COL27A1: variants seen among roughly 807,000 people sequenced by gnomAD.
COL27A1 encodes the protein collagen type XXVII alpha 1 chain.
Under a neutral mutation model 251.3 loss-of-function variants are expected in COL27A1, and 106 were observed. That is an observed-to-expected ratio of 0.42 (90% CI 0.36 to 0.50). The LOEUF (loss-of-function observed/expected upper bound fraction) is 0.50. Among genes scored for constraint, COL27A1 ranks in the 20% least tolerant of loss-of-function variants. The pLI, the probability that COL27A1 is intolerant of heterozygous loss-of-function variation, is 0.00. For synonymous variants in COL27A1, 1,000 were observed against 986.3 expected (o/e 1.01, Z -0.26); for missense variants, 2,325 against 2,522.8 (o/e 0.92, Z 1.68).
At chr9:114,227,657 G>C (rs1025315073) in intron 14 of COL27A1, among the ~76,000 whole-genome samples, 1 of 152,112 alleles carries the variant, frequency 6.6e-6, no homozygotes, top group African/African-American at 2.4e-5. Flanking sequence ...CTGGCACACA[G>C]TGGGCGTTCT....
At chr9:114,287,971 C>A (rs755013445) in intron 41 of COL27A1, among the ~76,000 whole-genome samples, 1 of 152,318 alleles carries the variant, frequency 6.6e-6, no homozygotes, top group South Asian at 2.1e-4. Flanking sequence ...AGTGCCCATG[C>A]GTGCCAGCTG....
intron 35 of COL27A1, among the ~76,000 whole-genome samples, chr9:114,269,730 C>T (rs933804726): frequency 1.3e-5 from 2 of 151,646 alleles, no homozygotes; most frequent in East Asian, 1.9e-4. Flanking sequence ...GCACTTTTCT[C>T]GAGGCACAAG....
At chr9:114,281,855 G>A (rs1434569250) in intron 37 of COL27A1, among the ~76,000 whole-genome samples, 1 of 152,166 alleles carries the variant, frequency 6.6e-6, no homozygotes, top group Non-Finnish European at 1.5e-5. Context: ...TCTCATTGGG[G>A]CCTAATGTTC....
intron 12 of COL27A1, among the ~76,000 whole-genome samples, chr9:114,214,963 T>C (rs1010166746): frequency 2.6e-4 from 39 of 152,254 alleles, no homozygotes; most frequent in African/African-American, 8.4e-4. Flanking sequence ...AGGAAGATGC[T>C]GCAGTGAGTC....
chr9:114,189,866 G>A (rs549065979), intron 5 of COL27A1, among the ~76,000 whole-genome samples: 1 of 152,114 alleles, frequency 6.6e-6, no homozygotes, highest in South Asian at 2.1e-4. Context: ...TCCCCTTACT[G>A]AATCACCTTA....
intron 3 of COL27A1, among the ~76,000 whole-genome samples, chr9:114,177,050 T>C (rs1338290690): frequency 6.6e-6 from 1 of 152,218 alleles, no homozygotes; most frequent in African/African-American, 2.4e-5. Context: ...CCTGGCTTCC[T>C]TCAAAGGCTG....
At chr9:114,275,054 C>G (rs1469871424) in intron 36 of COL27A1, among the ~76,000 whole-genome samples, 11 of 136,974 alleles carry the variant, frequency 8.0e-5, no homozygotes, top group Non-Finnish European at 1.7e-4. Flanking sequence ...TCTCCAACTG[C>G]TGGGCTCAAG....
rs537464184 is a variant in COL27A1, at chr9:114,249,463, T to C, written c.2980-1152T>C. On this transcript the variant is annotated intron_variant, in intron 24 of 60. Coordinates refer to ENST00000356083, the MANE Select transcript of COL27A1 (RefSeq NM_032888.4). Reference sequence around the variant, plus strand: ...GATCCGGGCCCTGTTCACAGCCACATGCTTTGGAGGCCTTGGGCTGGAGGG... The same window carrying C: ...GATCCGGGCCCTGTTCACAGCCACACGCTTTGGAGGCCTTGGGCTGGAGGG... Among the ~76,000 whole-genome samples the C allele has an allele frequency of 2.8e-4, 42 of 152,302 alleles. 1 individual carries two copies. Among genetic ancestry groups the C allele is most frequent in the Admixed American group, 1.4e-3 (22 of 15,302 alleles).
chr9:114,240,307 G>GAGCA, intron 20 of COL27A1, 34 bp downstream of exon 20: 1 of 1,584,868 alleles, frequency 6.3e-7, no homozygotes, highest in Non-Finnish European at 8.6e-7. Flanking sequence ...CCAGTTGGAG[G>GAGCA]AGCAGACAGC....
At chr9:114,182,755 G>A (rs73656010) in intron 4 of COL27A1, among the ~76,000 whole-genome samples, 2,766 of 152,266 alleles carry the variant, frequency 0.018, 89 homozygotes, top group African/African-American at 0.063. Flanking sequence ...TGGCATCCTC[G>A]TCTTCAAAAT....
intron 37 of COL27A1, among the ~76,000 whole-genome samples, chr9:114,281,898 G>A (rs977478747): frequency 2.2e-4 from 34 of 152,300 alleles, no homozygotes; most frequent in Admixed American, 9.2e-4. Context: ...AGCACTTGGC[G>A]CTGGAGAGAG....
Position 114,205,819 on chromosome 9 carries a change from T to C in COL27A1, c.2223+7T>C. On this transcript the variant is annotated splice_region_variant and intron_variant, in intron 9 of 60. Coordinates refer to ENST00000356083, the MANE Select transcript of COL27A1 (RefSeq NM_032888.4). ...AGGTTACCCTGGCAGGCAGGTGCAG[T>C]ATATGGCTTCTGGAAGCTCTGTGGC... is the stretch of plus-strand genomic sequence containing the variant. 3.1e-6 allele frequency: 5 copies of C among 1,610,176 alleles called. No homozygotes were observed. The highest frequency in any genetic ancestry group is 4.2e-6 in the Non-Finnish European group (5 of 1,178,550).
At chr9:114,265,160 G>C in intron 31 of COL27A1, 50 bp downstream of exon 31, 1 of 529,796 alleles carries the variant, frequency 1.9e-6, no homozygotes, top group Non-Finnish European at 3.6e-6. Flanking sequence ...TTTGATGGGG[G>C]TGGGGGGCGG....
chr9:114,196,613 G>A (rs543636693), intron 7 of COL27A1, among the ~76,000 whole-genome samples: 20 of 152,310 alleles, frequency 1.3e-4, no homozygotes, highest in Non-Finnish European at 2.4e-4. Flanking sequence ...TCTAATATGC[G>A]GCCCTCGCTG....
At chr9:114,295,523 C>A (rs1006225024) in intron 49 of COL27A1, among the ~76,000 whole-genome samples, 1 of 152,296 alleles carries the variant, frequency 6.6e-6, no homozygotes, top group East Asian at 1.9e-4. Context: ...ACTAATGGCA[C>A]TTGATTTCAA....
At chr9:114,231,984 C>T (rs1221806024) in intron 16 of COL27A1, 118 bp downstream of exon 16, 2 of 950,844 alleles carry the variant, frequency 2.1e-6, no homozygotes, top group African/African-American at 1.6e-5. Flanking sequence ...CCTGCCTCTC[C>T]TCTGGCCTCC....
intron 49 of COL27A1, among the ~76,000 whole-genome samples, chr9:114,299,403 G>C (rs1198841273): frequency 6.6e-6 from 1 of 152,146 alleles, no homozygotes; most frequent in Non-Finnish European, 1.5e-5. Context: ...CTCCCTTCTT[G>C]GCTCAGACCC....
rs539888058 is a variant in COL27A1 at position 114,304,545 on chromosome 9, C to T, written c.4873-63C>T. 1.9e-4 allele frequency: 287 copies of T among 1,515,740 alleles called. 2 individuals are homozygous for T. The South Asian group carries it at 3.1e-3, about 16-fold the overall frequency. The allele number at this position is 1,515,740 out of a possible 1,614,324, so 93.9% of individuals were successfully genotyped here. A position where few individuals can be genotyped will look rare whatever the true frequency, so the allele number is the denominator to read the frequency against. On this transcript the variant is annotated intron_variant, in intron 56 of 60. Transcript: ENST00000356083. ...CCAGGGAATGTGGCCCTGGGGCTCC[C>T]ACTTGATGGGTGTGGAGAACCCTGG...
intron 16 of COL27A1, among the ~76,000 whole-genome samples, chr9:114,232,344 T>C (rs1588715117): frequency 6.6e-6 from 1 of 152,188 alleles, no homozygotes; most frequent in Non-Finnish European, 1.5e-5. Context: ...GTGGCTGCCC[T>C]TGCCATGTAT....
Sources: gnomAD v4.1 joint callset for allele counts (sites outside exome capture counted in the v4.1 genomes callset) on GRCh38, gnomAD v4.1.1 for gene constraint, MANE v1.5 for transcripts, NCBI Gene and HGNC (gene_info 2026-07-23, HGNC 2026-07-21) for gene names.